Variants in WDR41 observed in about 807,000 individuals in gnomAD.
The protein encoded by WDR41 is WD repeat domain 41, also known as WD repeat-containing protein 41.
WDR41 carries 63 observed loss-of-function variants against 69.3 expected under a neutral mutation model. That is an observed-to-expected ratio of 0.91 (90% CI 0.74 to 1.12). The LOEUF (loss-of-function observed/expected upper bound fraction) is 1.12. Ranked by LOEUF, WDR41 falls within the 50% of genes most tolerant of loss-of-function variation. The pLI, the probability that WDR41 is intolerant of heterozygous loss-of-function variation, is 0.00. For missense variants in WDR41, 543 were observed against 534.5 expected (o/e 1.02, Z -0.16); for synonymous variants, 185 against 192.1 (o/e 0.96, Z 0.31).
intron 1 of WDR41, among the ~76,000 whole-genome samples, chr5:77,600,879 C>CA (rs1290406344): frequency 0.018 from 2,491 of 139,610 alleles, 63 homozygotes; most frequent in African/African-American, 0.061. Context: ...GACAATGTCT[C>CA]AAAAAAAAAA....
intron 1 of WDR41, among the ~76,000 whole-genome samples, chr5:77,510,694 T>C (rs546310416): frequency 7.2e-5 from 11 of 152,068 alleles, no homozygotes; most frequent in African/African-American, 2.7e-4. Flanking sequence ...TAAATTATCT[T>C]AGCCATGGTT....
chr5:77,592,758 A>G (rs754724203), intron 1 of WDR41, among the ~76,000 whole-genome samples: 7 of 152,140 alleles, frequency 4.6e-5, no homozygotes, highest in Non-Finnish European at 8.8e-5. Context: ...TGCTAACATG[A>G]GAAAAAACAG....
chr5:77,468,561 T>C (rs1800407750), intron 2 of WDR41, among the ~76,000 whole-genome samples: 1 of 152,176 alleles, frequency 6.6e-6, no homozygotes, highest in South Asian at 2.1e-4. Flanking sequence ...AAATGCTCAT[T>C]TAATAGTTCT....
intron 2 of WDR41, among the ~76,000 whole-genome samples, chr5:77,468,259 T>C (rs994970844): frequency 6.6e-6 from 1 of 152,122 alleles, no homozygotes; most frequent in South Asian, 2.1e-4. Flanking sequence ...ACTAACTATA[T>C]AGATGCTTAA....
chr5:77,478,683 A>G lies in WDR41; in HGVS notation c.167+10774T>C, dbSNP rs531788514. 8.1e-3 allele frequency among the ~76,000 whole-genome samples: 1,231 copies of G among 152,182 alleles called. 22 individuals carry two copies. The highest frequency in any genetic ancestry group is 0.028 in the African/African-American group (1,172 of 41,484). On this transcript the variant is annotated intron_variant, in intron 2 of 12. Coordinates refer to ENST00000296679, the MANE Select transcript of WDR41 (RefSeq NM_018268.4). ...TATGGATGGGACGTATTTCAAAATA[A>G]TAAGAGCTATCTATGACAAACCCAC...
At chr5:77,439,408 G>A (rs1289879485) in intron 9 of WDR41, among the ~76,000 whole-genome samples, 1 of 152,196 alleles carries the variant, frequency 6.6e-6, no homozygotes, top group Non-Finnish European at 1.5e-5. Context: ...TTAGTACTCT[G>A]CAATCAGCAA....
chr5:77,464,649 G>T, intron 3 of WDR41, 112 bp downstream of exon 3: 1 of 1,037,598 alleles, frequency 9.6e-7, no homozygotes, highest in African/African-American at 1.6e-5. Flanking sequence ...AAATATTAAT[G>T]TGTCAATTAA....
intron 2 of WDR41, among the ~76,000 whole-genome samples, chr5:77,484,185 C>A (rs1055343226): frequency 2.6e-5 from 4 of 152,146 alleles, no homozygotes; most frequent in African/African-American, 9.7e-5. Flanking sequence ...CTGTCATCCT[C>A]CCAAACCCTG....
At chr5:77,441,215 A>G (rs1346413079) in intron 8 of WDR41, among the ~76,000 whole-genome samples, 1 of 152,154 alleles carries the variant, frequency 6.6e-6, no homozygotes, top group African/African-American at 2.4e-5. Flanking sequence ...ATTGCATTTC[A>G]TTTCAGTAAA....
intron 1 of WDR41, among the ~76,000 whole-genome samples, chr5:77,585,560 C>T (rs1195002091): frequency 6.6e-6 from 1 of 152,138 alleles, no homozygotes; most frequent in Non-Finnish European, 1.5e-5. Context: ...ATCGCAAAAT[C>T]GTGGAACCAA....
intron 1 of WDR41, among the ~76,000 whole-genome samples, chr5:77,612,266 G>C (rs1320426853): frequency 6.6e-6 from 1 of 152,200 alleles, no homozygotes; most frequent in African/African-American, 2.4e-5. Flanking sequence ...AATAGAAAAA[G>C]AGGGAATCCT....
intron 1 of WDR41, among the ~76,000 whole-genome samples, chr5:77,593,009 T>G (rs1744160877): frequency 6.6e-6 from 1 of 152,030 alleles, no homozygotes; most frequent in Non-Finnish European, 1.5e-5. Context: ...CTAAAGGAAT[T>G]GAAAGAACAA....
chr5:77,447,361 T>C (rs1799425106), intron 8 of WDR41, among the ~76,000 whole-genome samples: 1 of 152,180 alleles, frequency 6.6e-6, no homozygotes, highest in Non-Finnish European at 1.5e-5. Context: ...GTATGGCGAT[T>C]CCTCAAGGAT....
At chr5:77,532,308 A>G (rs968627338) in intron 1 of WDR41, among the ~76,000 whole-genome samples, 3 of 152,112 alleles carry the variant, frequency 2.0e-5, no homozygotes, top group African/African-American at 7.2e-5. Context: ...TAACAAGTAT[A>G]GTGCAACTTA....
At chr5:77,604,568 C>T (rs371124401) in intron 1 of WDR41, among the ~76,000 whole-genome samples, 17 of 152,100 alleles carry the variant, frequency 1.1e-4, no homozygotes, top group South Asian at 4.2e-4. Context: ...GTTGTTAAGC[C>T]CTTGTGGAGG....
chr5:77,606,317 G>T (rs1436544525), intron 1 of WDR41, among the ~76,000 whole-genome samples: 2 of 152,142 alleles, frequency 1.3e-5, no homozygotes, highest in South Asian at 4.2e-4. Flanking sequence ...ATTGGGATGA[G>T]GGTAAGAGGT....
At chr5:77,471,998 G>T (rs923758981) in intron 2 of WDR41, among the ~76,000 whole-genome samples, 3 of 152,154 alleles carry the variant, frequency 2.0e-5, no homozygotes, top group Admixed American at 2.0e-4. Context: ...CAATAACCCT[G>T]ATGAACATTG....
chr5:77,470,834 C>A (rs1292683026), intron 2 of WDR41, among the ~76,000 whole-genome samples: 2 of 149,676 alleles, frequency 1.3e-5, no homozygotes, highest in East Asian at 3.9e-4. Flanking sequence ...TAATGGGAGA[C>A]TTTAACACCC....
intron 1 of WDR41, among the ~76,000 whole-genome samples, chr5:77,565,029 T>C (rs1366706097): frequency 1.3e-5 from 2 of 152,070 alleles, no homozygotes; most frequent in Non-Finnish European, 2.9e-5. Flanking sequence ...CCTCATGACC[T>C]CAAGCCTGGA....
Sources: gnomAD v4.1 joint callset for allele counts (sites outside exome capture counted in the v4.1 genomes callset) on GRCh38, gnomAD v4.1.1 for gene constraint, MANE v1.5 for transcripts, NCBI Gene and HGNC (gene_info 2026-07-23, HGNC 2026-07-21) for gene names.